ADAMTS15: variants seen among roughly 807,000 people sequenced by gnomAD.
The protein encoded by ADAMTS15 is A disintegrin and metalloproteinase with thrombospondin motifs 15.
In ADAMTS15, 35 loss-of-function variants were observed where a neutral mutation model predicts 79.1. The ratio of observed to expected loss-of-function variants is 0.44; its 90% CI spans 0.34 to 0.59. ADAMTS15 has a LOEUF of 0.59. ADAMTS15 is among the 20% of genes least tolerant of loss of function. The pLI, the probability that ADAMTS15 is intolerant of heterozygous loss-of-function variation, is 0.02. For missense variants in ADAMTS15, 1,324 were observed against 1,318.7 expected, an observed-to-expected ratio of 1.00 and a Z score of -0.06; for synonymous variants, 616 against 567.3, an observed-to-expected ratio of 1.09 and a Z score of -1.22.
rs559291292 is a variant in ADAMTS15, at chr11:130,449,933, G to A, written c.957+3G>A. On this transcript the variant is annotated splice_donor_region_variant and intron_variant, in intron 1 of 7. Transcript: ENST00000299164. This position sits in a 1 kb window ranked among gnomAD's most constrained non-coding sequence, Gnocchi z 7.8. ...CTGCCATCCTCTTCACCAGGCAGGT[G>A]AGTTGATCTGCCGTCACTTTGCACC... The A allele has an allele frequency of 6.9e-6, 11 of 1,597,262 alleles. No individual in the cohort carries two copies. The highest frequency in any genetic ancestry group is 1.1e-5 in the South Asian group (1 of 91,012).
rs749020521 is a variant in ADAMTS15, at chr11:130,449,441, T to C, written c.468T>C (p.Leu156=). The change falls in exon 1 of 8, where the codon CTT becomes CTC. Residue 156 remains leucine, a synonymous_variant. Coordinates refer to ENST00000299164, the MANE Select transcript of ADAMTS15 (RefSeq NM_139055.4). This position sits in a 1 kb window ranked among gnomAD's most constrained non-coding sequence, Gnocchi z 7.8. ...AAQRNSQGAH[L]LQRRGVPGGP... is the part of the protein sequence containing the mutation. ...AGCGCAACAGCCAGGGCGCACACCTTCTCCAGCGCCGGGGTGTTCCGGGCG... is the reference window on the plus strand; with the variant it reads ...AGCGCAACAGCCAGGGCGCACACCTCCTCCAGCGCCGGGGTGTTCCGGGCG... 2 of 1,588,342 alleles carry C rather than the reference T, an allele frequency of 1.3e-6. No individual in the cohort carries two copies. Among genetic ancestry groups the C allele is most frequent in the Non-Finnish European group, 1.7e-6 (2 of 1,171,018 alleles).
chr11:130,462,521 G>C lies in ADAMTS15; in HGVS notation c.1283G>C (p.Ser428Thr). 6.2e-7 allele frequency: 1 copy of C among 1,601,856 alleles called. No homozygotes were observed. The highest frequency in any genetic ancestry group is 8.5e-7 in the Non-Finnish European group (1 of 1,171,376). The change falls in exon 4 of 8, where the codon AGC (serine) becomes ACC (threonine). Residue 428 changes from serine (S) to threonine (T), a missense_variant. Ser to Thr is a moderately conservative substitution (Grantham distance 58). Transcript: ENST00000299164. The surrounding 1 kb of genome is among the most constrained non-coding windows in gnomAD (Gnocchi z 4.3). ...GGTGACTGCCTCCTGGACCAACCCA[G>C]CAAGCCCATCTCCCTGCCCGAGGAT... ...GHGDCLLDQP[S>T]KPISLPEDLP...
intron 1 of ADAMTS15, among the ~76,000 whole-genome samples, chr11:130,455,834 C>T (rs141930029): frequency 5.3e-5 from 8 of 152,284 alleles, no homozygotes; most frequent in East Asian, 1.9e-4. Flanking sequence ...GGAGAGGTGG[C>T]GCAGACGGTG....
At chr11:130,470,805 G>T in intron 5 of ADAMTS15, 115 bp from the exon 6 acceptor site, 2 of 1,179,616 alleles carry the variant, frequency 1.7e-6, no homozygotes, top group Non-Finnish European at 2.4e-6. Flanking sequence ...TTGCAGCTTT[G>T]GTGATGAGGG....
At chr11:130,470,186 G>GTATATA (rs1421284406) in intron 5 of ADAMTS15, among the ~76,000 whole-genome samples, 23 of 67,152 alleles carry the variant, frequency 3.4e-4, no homozygotes, top group East Asian at 6.7e-4. Context: ...ATATATGTGT[G>GTATATA]TATATATATA....
chr11:130,449,307 G>C lies in ADAMTS15; in HGVS notation c.334G>C (p.Asp112His), dbSNP rs148309073. 34 of 1,610,778 alleles carry C rather than the reference G, an allele frequency of 2.1e-5. No homozygotes were observed. The highest frequency in any genetic ancestry group is 1.0e-4 in the Admixed American group (6 of 60,008). The part of the protein sequence containing the change: ...FYSGDVNAEP[D>H]SFAAVSLCGG... The stretch of plus-strand genomic sequence containing the variant: ...TTCTGGGGACGTGAACGCCGAGCCG[G>C]ACTCGTTCGCTGCTGTGAGCCTGTG... The change falls in exon 1 of 8, where the codon GAC becomes CAC. Residue 112 changes from aspartate to histidine, a missense_variant. Transcript: ENST00000299164. This position sits in a 1 kb window ranked among gnomAD's most constrained non-coding sequence, Gnocchi z 7.8.
In ADAMTS15 at chr11:130,449,805, G is replaced by C. The variant is rs1418933128; in HGVS notation, c.832G>C (p.Gly278Arg). 6.2e-7 allele frequency: 1 copy of C among 1,611,406 alleles called. No homozygotes were observed. Among genetic ancestry groups the C allele is most frequent in the Non-Finnish European group, 8.5e-7 (1 of 1,180,024 alleles). The change falls in exon 1 of 8, where the codon GGG becomes CGG. Residue 278 changes from glycine to arginine, a missense_variant. By Grantham distance (125) the Gly-to-Arg change is moderately radical. Transcript: ENST00000299164. The surrounding 1 kb of genome is among the most constrained non-coding windows in gnomAD (Gnocchi z 7.8). The part of the protein sequence containing the change: ...KVLLLRDRDS[G>R]PKVTGNAALT... Reference sequence around the variant, plus strand: ...GCTGCTTCTTAGAGATCGTGACTCCGGGCCCAAGGTCACCGGCAATGCGGC... The same window carrying C: ...GCTGCTTCTTAGAGATCGTGACTCCCGGCCCAAGGTCACCGGCAATGCGGC...
intron 1 of ADAMTS15, among the ~76,000 whole-genome samples, chr11:130,454,908 C>T (rs994524972): frequency 2.0e-5 from 3 of 152,120 alleles, no homozygotes; most frequent in African/African-American, 7.2e-5. Flanking sequence ...TCTCCTTCTG[C>T]CTTTGAACTT....
chr11:130,469,221 A>G, intron 4 of ADAMTS15, 41 bp from the exon 5 acceptor site: 1 of 1,364,016 alleles, frequency 7.3e-7, no homozygotes, highest in Non-Finnish European at 9.5e-7. Context: ...TGGGTGTGGC[A>G]CCTGGATCCA....
intron 1 of ADAMTS15, among the ~76,000 whole-genome samples, chr11:130,460,813 G>T (rs1938183679): frequency 6.6e-6 from 1 of 152,144 alleles, no homozygotes; most frequent in Non-Finnish European, 1.5e-5. Context: ...AGTACAAAAC[G>T]AGGGACCTTC....
At position 130,449,414 on chromosome 11, in the gene ADAMTS15, G is replaced by T; in HGVS notation, c.441G>T (p.Ala147=). Residue 147 remains alanine (A), a synonymous_variant, in exon 1 of 8, where the codon GCG becomes GCT. Coordinates refer to ENST00000299164, the MANE Select transcript of ADAMTS15 (RefSeq NM_139055.4). The surrounding 1 kb of genome is among the most constrained non-coding windows in gnomAD (Gnocchi z 7.8). The part of the protein sequence containing the change: ...SPLPNASAPA[A]QRNSQGAHLL... ...TGCCCAATGCTAGCGCGCCGGCGGCGCAGCGCAACAGCCAGGGCGCACACC... is the reference window on the plus strand; with the variant it reads ...TGCCCAATGCTAGCGCGCCGGCGGCTCAGCGCAACAGCCAGGGCGCACACC... The T allele has an allele frequency of 6.3e-7, 1 of 1,597,282 alleles. No homozygotes were observed. Among genetic ancestry groups the T allele is most frequent in the South Asian group, 1.1e-5 (1 of 90,954 alleles).
rs531228812 is a variant in ADAMTS15 at position 130,469,783 on chromosome 11, T to C, written c.1720+344T>C. Among the ~76,000 whole-genome samples the C allele has an allele frequency of 4.6e-5, 7 of 152,298 alleles. No homozygotes were observed. The East Asian group carries it at 5.8e-4, about 13-fold the overall frequency. Reference sequence around the variant, plus strand: ...ACTAGAAGTCCTCTTATCTGAGGCCTGCCCAGCCCATCTTTGTAAGCAGGA... The same window carrying C: ...ACTAGAAGTCCTCTTATCTGAGGCCCGCCCAGCCCATCTTTGTAAGCAGGA... On this transcript the variant is annotated intron_variant, in intron 5 of 7. Transcript: ENST00000299164.
Position 130,462,413 on chromosome 11 carries a change from A to C in ADAMTS15, c.1259-84A>C. The C allele has an allele frequency of 6.6e-7, 1 of 1,519,892 alleles. No homozygotes were observed. Among genetic ancestry groups the C allele is most frequent in the Non-Finnish European group, 8.9e-7 (1 of 1,128,778 alleles). 94.2% of individuals were successfully genotyped at this position (1,519,892 alleles called of 1,614,324 possible). A position where few individuals can be genotyped will look rare whatever the true frequency, so the allele number is the denominator to read the frequency against. The stretch of plus-strand genomic sequence containing the variant: ...AGTGCATTCCTGTTGCCCTTGGTTC[A>C]TTATCCCCTTACCATTCAGATTCTG... On this transcript the variant is annotated intron_variant, in intron 3 of 7. Coordinates refer to ENST00000299164, the MANE Select transcript of ADAMTS15 (RefSeq NM_139055.4). This position sits in a 1 kb window ranked among gnomAD's most constrained non-coding sequence, Gnocchi z 4.3.
chr11:130,462,307 G>T lies in ADAMTS15; in HGVS notation c.1258+53G>T. 1 of 1,554,600 alleles carries T rather than the reference G, an allele frequency of 6.4e-7. No homozygotes were observed. On this transcript the variant is annotated intron_variant, in intron 3 of 7. Transcript: ENST00000299164. This position sits in a 1 kb window ranked among gnomAD's most constrained non-coding sequence, Gnocchi z 4.3. The stretch of plus-strand genomic sequence containing the variant: ...AGGCCGCCTCGGAGGGGGCTTTGCT[G>T]CTGCCCCTGGTGGAGGTGCTCACTT...
intron 1 of ADAMTS15, among the ~76,000 whole-genome samples, chr11:130,452,952 GC>G (rs1264260123): frequency 6.7e-6 from 1 of 149,532 alleles, no homozygotes; most frequent in African/African-American, 2.5e-5. Context: ...CTGCACTGCA[GC>G]CTGGTGACAG....
Position 130,449,873 on chromosome 11 carries a change from C to T in ADAMTS15, c.900C>T (p.Asn300=), listed in dbSNP as rs1486793155. Residue 300 remains asparagine (N), a synonymous_variant, in exon 1 of 8, where the codon AAC becomes AAT. Transcript: ENST00000299164. The surrounding 1 kb of genome is among the most constrained non-coding windows in gnomAD (Gnocchi z 7.8). ...TCTGTGCCTGGCAGAAGAAGCTGAA[C>T]AAAGTGAGTGACAAGCACCCCGAGT... The part of the protein sequence containing the change: ...RNFCAWQKKL[N]KVSDKHPEYW... 3 of 1,603,610 alleles carry T rather than the reference C, an allele frequency of 1.9e-6. No homozygotes were observed. Among genetic ancestry groups the T allele is most frequent in the Admixed American group, 3.3e-5 (2 of 60,004 alleles).
At chr11:130,456,129 C>G (rs1258305658) in intron 1 of ADAMTS15, among the ~76,000 whole-genome samples, 1 of 152,134 alleles carries the variant, frequency 6.6e-6, no homozygotes, top group East Asian at 1.9e-4. Context: ...GCGATGGGGC[C>G]TGATAATGGC....
chr11:130,468,487 C>A (rs192436835), intron 4 of ADAMTS15, among the ~76,000 whole-genome samples: 3 of 151,970 alleles, frequency 2.0e-5, no homozygotes, highest in Non-Finnish European at 2.9e-5. Context: ...AAAATAAGGC[C>A]GGGCGCGGTG....
chr11:130,461,176 A>T (rs1003814413), intron 1 of ADAMTS15, among the ~76,000 whole-genome samples: 4 of 152,130 alleles, frequency 2.6e-5, no homozygotes, highest in Non-Finnish European at 1.5e-5. Flanking sequence ...GTCTCTCTAT[A>T]AAGTAGTGGC....
Sources: gnomAD v4.1 joint callset for allele counts (sites outside exome capture counted in the v4.1 genomes callset) on GRCh38, gnomAD v4.1.1 for gene constraint, Gnocchi (gnomAD v3.1) non-coding constraint, MANE v1.5 for transcripts, NCBI Gene and HGNC (gene_info 2026-07-23, HGNC 2026-07-21) for gene names.